Variants in PDE4A observed in about 807,000 individuals in gnomAD.
PDE4A encodes 3',5'-cyclic-AMP phosphodiesterase 4A.
A neutral mutation model predicts 73.9 loss-of-function variants in PDE4A; 21 were observed. The ratio of observed to expected loss-of-function variants is 0.28; its 90% confidence interval spans 0.20 to 0.41. The LOEUF is 0.41. PDE4A is among the 10% of genes least tolerant of loss of function. The probability of loss-of-function intolerance (pLI) is 1.00; values close to 1 mark genes in which losing one functional copy is unlikely to be tolerated. For synonymous variants in PDE4A, 463 were observed against 505.4 expected (o/e 0.92, Z 1.13); for missense variants, 958 against 1,211.4 (o/e 0.79, Z 3.10).
At position 10,468,406 on chromosome 19, in the gene PDE4A, C is replaced by G. The variant is rs1307550100; in HGVS notation, c.*785C>G. 6.6e-6 allele frequency: 1 copy of G among 152,542 alleles called. No individual in the cohort carries two copies. Among genetic ancestry groups the G allele is most frequent in the Non-Finnish European group, 1.5e-5 (1 of 68,042 alleles). The allele number at this position is 152,542 out of a possible 1,614,324, so 9.4% of individuals were successfully genotyped here. A position where few individuals can be genotyped will look rare whatever the true frequency, so the allele number is the denominator to read the frequency against. On this transcript the variant is annotated 3_prime_UTR_variant, in exon 15 of 15. Coordinates refer to ENST00000380702, the MANE Select transcript of PDE4A (RefSeq NM_001111307.2). The stretch of plus-strand genomic sequence containing the variant: ...GAGGGCCCTAGACCTCCTCCACTCT[C>G]CATCCCCTTTCCCTTCCACTTTGGG...
chr19:10,466,185 G>A (rs990596467), intron 14 of PDE4A, among the ~76,000 whole-genome samples: 1 of 147,366 alleles, frequency 6.8e-6, no homozygotes, highest in African/African-American at 2.5e-5. Flanking sequence ...AGTGGCTCAC[G>A]CCTGTAATCC....
intron 13 of PDE4A, among the ~76,000 whole-genome samples, chr19:10,462,924 T>G (rs987219850): frequency 1.3e-5 from 2 of 152,102 alleles, no homozygotes; most frequent in African/African-American, 2.4e-5. Context: ...CTGGGTGTGG[T>G]GGCTCACGCC....
At chr19:10,418,009 ACACCCCTAC>A, upstream of PDE4A, 1 of 936,146 alleles carries the variant, frequency 1.1e-6, no homozygotes, top group Non-Finnish European at 1.6e-6. Flanking sequence ...GCGGGCTGTG[ACACCCCTAC>A]CCCAAGGCAC....
chr19:10,420,802 C>T lies in PDE4A; in HGVS notation c.38C>T (p.Ser13Phe). The change falls in exon 1 of 15, where the codon TCT becomes TTT. Residue 13 changes from serine to phenylalanine, a missense_variant. Around this residue, in one of 3 missense-constraint regions of PDE4A, gnomAD observed 145 missense variants for 137.8 expected, o/e 1.05. Coordinates refer to ENST00000380702, the MANE Select transcript of PDE4A (RefSeq NM_001111307.2). This position sits in a 1 kb window ranked among gnomAD's most constrained non-coding sequence, Gnocchi z 6.0. ...PPTVPSERSLSLSLPGPREGQ... is the reference protein window; with the variant it reads ...PPTVPSERSLFLSLPGPREGQ... ...ACCGTCCCCTCGGAAAGGAGCCTGT[C>T]TCTGTCACTGCCCGGGCCCCGGGAG... is the stretch of plus-strand genomic sequence containing the variant. 1 of 1,585,540 alleles carries T rather than the reference C, an allele frequency of 6.3e-7. No homozygotes were observed. Among genetic ancestry groups the T allele is most frequent in the Non-Finnish European group, 8.5e-7 (1 of 1,174,298 alleles).
chr19:10,420,418 G>C, upstream of PDE4A: 1 of 964,726 alleles, frequency 1.0e-6, no homozygotes, highest in Non-Finnish European at 1.2e-6. This position sits in a 1 kb window ranked among gnomAD's most constrained non-coding sequence, Gnocchi z 6.0. Context: ...GGCCCGGACG[G>C]AGGAGGAGGG....
rs1051738 is a variant in PDE4A, at chr19:10,467,167, C to T, written c.2207C>T (p.Ala736Val). 4.2e-5 allele frequency: 67 copies of T among 1,613,930 alleles called. No homozygotes were observed. The Middle Eastern group carries it at 1.2e-3, about 28-fold the overall frequency. ...IPCTAQEALT[A>V]QGLSGVEEAL... ...TGCACAGCCCAAGAGGCATTGACTG[C>T]GCAGGGATTGTCAGGAGTCGAGGAA... Residue 736 changes from alanine (A) to valine (V), a missense_variant, in exon 15 of 15, where the codon GCG becomes GTG. By Grantham distance (64) the Ala-to-Val change is moderately conservative (BLOSUM62 0). Coordinates refer to ENST00000380702, the MANE Select transcript of PDE4A (RefSeq NM_001111307.2).
Position 10,461,940 on chromosome 19 carries a change from A to T in PDE4A, c.1684A>T (p.Thr562Ser). Residue 562 changes from threonine to serine, a missense_variant, in exon 13 of 15, where the codon ACC becomes TCC. Thr to Ser is a moderately conservative substitution (Grantham distance 58). Coordinates refer to ENST00000380702, the MANE Select transcript of PDE4A (RefSeq NM_001111307.2). ...LLADLKTMVETKKVTSSGVLL... is the reference protein window; with the variant it reads ...LLADLKTMVESKKVTSSGVLL... Reference sequence around the variant, plus strand: ...GGCTGACCTGAAGACCATGGTGGAGACCAAGAAAGTGACCAGCTCAGGGGT... The same window carrying T: ...GGCTGACCTGAAGACCATGGTGGAGTCCAAGAAAGTGACCAGCTCAGGGGT... 1 of 1,614,028 alleles carries T rather than the reference A, an allele frequency of 6.2e-7. No homozygotes were observed. Among genetic ancestry groups the T allele is most frequent in the Non-Finnish European group, 8.5e-7 (1 of 1,179,986 alleles).
upstream of PDE4A, chr19:10,418,962 T>C (rs2042612982): frequency 3.1e-6 from 3 of 983,486 alleles, no homozygotes; most frequent in South Asian, 9.4e-5. Context: ...CGGCGGCTGC[T>C]GATGGGGGGG....
intron 1 of PDE4A, among the ~76,000 whole-genome samples, chr19:10,442,774 A>G (rs1292914720): frequency 6.7e-6 from 1 of 148,866 alleles, no homozygotes; most frequent in Non-Finnish European, 1.5e-5. Context: ...CCATATTACT[A>G]TTATCACATA....
chr19:10,430,838 C>T, intron 1 of PDE4A: 2 of 1,158,374 alleles, frequency 1.7e-6, no homozygotes, highest in Non-Finnish European at 2.1e-6. Context: ...GGGGCCGCCC[C>T]GCGGCCATGG....
intron 10 of PDE4A, among the ~76,000 whole-genome samples, chr19:10,460,443 G>A (rs2043244961): frequency 6.6e-6 from 1 of 151,636 alleles, no homozygotes; most frequent in African/African-American, 2.4e-5. Flanking sequence ...AGGTTGCAGT[G>A]AGCCAGGATT....
At chr19:10,433,244 A>G (rs1171673701) in intron 1 of PDE4A, among the ~76,000 whole-genome samples, 2 of 152,086 alleles carry the variant, frequency 1.3e-5, no homozygotes, top group East Asian at 3.8e-4. Context: ...CTGCACCAAG[A>G]GGACCCTGCA....
upstream of PDE4A, chr19:10,420,377 GGCCCCCCTCCTTAGGTAGCTGCC>G (rs981636488): frequency 2.6e-5 from 25 of 978,640 alleles, no homozygotes; most frequent in Non-Finnish European, 8.5e-6. This position sits in a 1 kb window ranked among gnomAD's most constrained non-coding sequence, Gnocchi z 6.0. Flanking sequence ...GGGCGGGAAG[GGCCCCCCTCCTTAGGTAGCTGCC>G]CCCCGCTGGC....
At chr19:10,444,672 T>C (rs1457613794) in intron 1 of PDE4A, among the ~76,000 whole-genome samples, 1 of 137,082 alleles carries the variant, frequency 7.3e-6, no homozygotes, top group African/African-American at 3.1e-5. Context: ...TGTCTGAGAT[T>C]TTTTTTTTTT....
rs1283821357 is a variant in PDE4A at position 10,459,507 on chromosome 19, G to A, written c.1200+9G>A. ...TGTACATGATATTCCAGGTGATGGG[G>A]ACAGCTGGGAGTGGGCCCGGGTGAG... On this transcript the variant is annotated intron_variant, in intron 9 of 14. Coordinates refer to ENST00000380702, the MANE Select transcript of PDE4A (RefSeq NM_001111307.2). 2 of 1,612,928 alleles carry A rather than the reference G, an allele frequency of 1.2e-6. No individual in the cohort carries two copies. The highest frequency in any genetic ancestry group is 1.7e-6 in the Non-Finnish European group (2 of 1,179,020).
intron 1 of PDE4A, among the ~76,000 whole-genome samples, chr19:10,434,646 A>T (rs1028856010): frequency 1.3e-5 from 2 of 151,826 alleles, no homozygotes; most frequent in African/African-American, 4.8e-5. Context: ...GCTGGAGTGC[A>T]GTGGTGCGAT....
chr19:10,462,235 C>A (rs1265423458), intron 13 of PDE4A, among the ~76,000 whole-genome samples: 1 of 152,084 alleles, frequency 6.6e-6, no homozygotes, highest in Non-Finnish European at 1.5e-5. Context: ...CCGCCTCCCG[C>A]CTCCCGCCTC....
At chr19:10,429,136 G>A (rs186593473) in intron 1 of PDE4A, among the ~76,000 whole-genome samples, 8 of 150,904 alleles carry the variant, frequency 5.3e-5, no homozygotes, top group Non-Finnish European at 1.2e-4. Context: ...AGGGGGAAAG[G>A]GAGGAAGGAG....
chr19:10,460,574 G>A (rs1192830627), intron 10 of PDE4A, among the ~76,000 whole-genome samples: 1 of 151,692 alleles, frequency 6.6e-6, no homozygotes, highest in Non-Finnish European at 1.5e-5. Context: ...TTGGGAGGCT[G>A]AGGCAGGTGA....
Sources: allele counts gnomAD v4.1 joint callset (sites outside exome capture counted in the v4.1 genomes callset), GRCh38; gene constraint gnomAD v4.1.1; regional missense constraint gnomAD v4.1.1; non-coding constraint Gnocchi (gnomAD v3.1); transcripts MANE v1.5; gene names NCBI Gene and HGNC (gene_info 2026-07-23, HGNC 2026-07-21).